Variants in OTUD7B observed in about 807,000 individuals in gnomAD.
OTUD7B encodes OTU deubiquitinase 7B.
OTUD7B carries 34 observed loss-of-function variants against 82.2 expected under a neutral mutation model. The observed-to-expected ratio is 0.41, with a 90% CI of 0.31 to 0.55. The LOEUF is 0.55. Ranked by LOEUF, OTUD7B falls within the 20% of genes least tolerant of loss-of-function variation. OTUD7B has a pLI of 0.20. For synonymous variants in OTUD7B, 398 were observed against 402.7 expected (o/e 0.99, Z 0.14); for missense variants, 944 against 1,062.1 (o/e 0.89, Z 1.55).
rs2092756479 is a variant in OTUD7B at position 149,940,806 on chromosome 1, C to T, written c.*3051G>A. 1 of 152,022 alleles carries T rather than the reference C, an allele frequency of 6.6e-6. No homozygotes were observed. 9.4% of individuals were successfully genotyped at this position (152,022 alleles called of 1,614,324 possible). A position where few individuals can be genotyped will look rare whatever the true frequency, so the allele number is the denominator to read the frequency against. On this transcript the variant is annotated 3_prime_UTR_variant, in exon 12 of 12. Coordinates refer to ENST00000581312, the MANE Select transcript of OTUD7B (RefSeq NM_020205.4). ...CTTGCCTCTTCTATTCCCTCATCTT[C>T]CCAAAATACCACAAACCAAGCTGAA...
chr1:150,021,605 C>T, the OTUD7B span, among the ~76,000 whole-genome samples: 1 of 152,130 alleles, frequency 6.6e-6, no homozygotes, highest in East Asian at 1.9e-4. Flanking sequence ...CCCAGAGCTC[C>T]CTGTATGGGA....
chr1:150,054,525 A>T, the OTUD7B span: 30 of 468,812 alleles, frequency 6.4e-5, no homozygotes, highest in Non-Finnish European at 1.3e-4. Flanking sequence ...AAGAAGCTGC[A>T]GGCAGGGCAT....
At chr1:149,970,227 A>AC (rs1372908909) in intron 3 of OTUD7B, among the ~76,000 whole-genome samples, 2 of 150,874 alleles carry the variant, frequency 1.3e-5, no homozygotes, top group East Asian at 3.9e-4. Flanking sequence ...GAAAAAAAAA[A>AC]AGTTTCAAGA....
the OTUD7B span, chr1:150,054,625 T>A: frequency 2.8e-6 from 1 of 361,712 alleles, no homozygotes; most frequent in South Asian, 2.2e-5. Context: ...ACGGCCAACA[T>A]GGTGAAATCC....
At chr1:150,061,617 A>C in the OTUD7B span, among the ~76,000 whole-genome samples, 1 of 152,190 alleles carries the variant, frequency 6.6e-6, no homozygotes, top group Non-Finnish European at 1.5e-5. Context: ...AGGTAAAAAA[A>C]AGGAGGCTGT....
chr1:150,042,049 AT>A, the OTUD7B span, among the ~76,000 whole-genome samples: 2 of 149,906 alleles, frequency 1.3e-5, no homozygotes, highest in Non-Finnish European at 1.5e-5. Flanking sequence ...TTCTTTATTT[AT>A]TTTTTTGAGA....
chr1:149,951,886 G>A (rs1183942334), intron 7 of OTUD7B, among the ~76,000 whole-genome samples: 2 of 48,404 alleles, frequency 4.1e-5, no homozygotes, highest in Non-Finnish European at 7.5e-5. Flanking sequence ...ATAAACACAT[G>A]GTCAACCTTT....
intron 1 of OTUD7B, among the ~76,000 whole-genome samples, chr1:149,992,854 T>C (rs1211200760): frequency 1.3e-5 from 2 of 152,138 alleles, no homozygotes; most frequent in African/African-American, 4.8e-5. Context: ...TTACTTCTCC[T>C]TAGCCAAAAG....
At chr1:149,948,783 G>A (rs1176061445) in intron 10 of OTUD7B, among the ~76,000 whole-genome samples, 186 bp downstream of exon 10, 1 of 152,126 alleles carries the variant, frequency 6.6e-6, no homozygotes, top group African/African-American at 2.4e-5. Flanking sequence ...CTTTCACAGG[G>A]AGAAAAAGCA....
rs1370294863 is a variant in OTUD7B at position 149,967,320 on chromosome 1, G to C, written c.476C>G (p.Ser159Cys). Residue 159 changes from serine to cysteine, a missense_variant, in exon 4 of 12, where the codon TCC (serine) becomes TGC (cysteine). By Grantham distance (112) the Ser-to-Cys change is moderately radical. Coordinates refer to ENST00000581312, the MANE Select transcript of OTUD7B (RefSeq NM_020205.4). ...TGCCTGTTCCAAGGCAACCAGCATGGACTGCTCAATGAGGTCTCTCTCTAT... is the reference window on the plus strand; with the variant it reads ...TGCCTGTTCCAAGGCAACCAGCATGCACTGCTCAATGAGGTCTCTCTCTAT... ...SFIERDLIEQ[S>C]MLVALEQAGR... 9.3e-6 allele frequency: 15 copies of C among 1,613,782 alleles called. No homozygotes were observed. Among genetic ancestry groups the C allele is most frequent in the Non-Finnish European group, 1.3e-5 (15 of 1,179,874 alleles).
the OTUD7B span, among the ~76,000 whole-genome samples, chr1:150,038,685 C>A: frequency 6.6e-6 from 1 of 152,120 alleles, no homozygotes; most frequent in African/African-American, 2.4e-5. Flanking sequence ...CCTCGCCCAG[C>A]CTAAGTTGTT....
chr1:149,949,086 G>A lies in OTUD7B; in HGVS notation c.1124-3C>T, dbSNP rs1553772763. On this transcript the variant is annotated splice_region_variant and splice_polypyrimidine_tract_variant and intron_variant, in intron 9 of 11. Transcript: ENST00000581312. ...TGAATCTGTAAGTGGGATCACAGCTGGAGAGGAAGAAACATATCATCAAGG... is the reference window on the plus strand; with the variant it reads ...TGAATCTGTAAGTGGGATCACAGCTAGAGAGGAAGAAACATATCATCAAGG... The A allele has an allele frequency of 6.4e-7, 1 of 1,569,474 alleles. No homozygotes were observed. The highest frequency in any genetic ancestry group is 1.7e-5 in the Admixed American group (1 of 59,916).
the OTUD7B span, among the ~76,000 whole-genome samples, chr1:150,065,963 C>A: frequency 6.6e-6 from 1 of 151,578 alleles, no homozygotes; most frequent in Non-Finnish European, 1.5e-5. Context: ...TTTTCCTCGT[C>A]CCTCAAAAAG....
intron 7 of OTUD7B, 30 bp downstream of exon 7, chr1:149,959,653 GT>G: frequency 7.3e-7 from 1 of 1,367,154 alleles, no homozygotes; most frequent in Non-Finnish European, 1.0e-6. Context: ...CTCTATGCAG[GT>G]TTCCTCCTCC....
chr1:149,990,765 G>A (rs1421595936), intron 1 of OTUD7B, among the ~76,000 whole-genome samples: 2 of 152,154 alleles, frequency 1.3e-5, no homozygotes, highest in African/African-American at 4.8e-5. Flanking sequence ...GGAGGCCGAG[G>A]CAGGTGGATC....
At chr1:150,007,212 T>G (rs1652728311) in intron 1 of OTUD7B, among the ~76,000 whole-genome samples, 1 of 152,242 alleles carries the variant, frequency 6.6e-6, no homozygotes, top group Admixed American at 6.5e-5. Context: ...ACAGTAACTA[T>G]TTCATTTACT....
At chr1:150,046,508 G>T in the OTUD7B span, among the ~76,000 whole-genome samples, 15,702 of 146,932 alleles carry the variant, frequency 0.11, 1,183 homozygotes, top group Non-Finnish European at 0.17. Flanking sequence ...AGTACAGTGG[G>T]GCGATCTCGG....
At chr1:149,955,797 C>CTTCT (rs782388436) in intron 7 of OTUD7B, among the ~76,000 whole-genome samples, 259 of 151,816 alleles carry the variant, frequency 1.7e-3, no homozygotes, top group African/African-American at 5.8e-3. Context: ...ATGTAATGGC[C>CTTCT]TTGTCTCTTT....
chr1:149,978,187 G>C (rs1240419065), intron 1 of OTUD7B, among the ~76,000 whole-genome samples: 1 of 152,174 alleles, frequency 6.6e-6, no homozygotes, highest in African/African-American at 2.4e-5. Context: ...TAGCAGAGGA[G>C]TAAACTGATA....
Sources: allele counts gnomAD v4.1 joint callset (sites outside exome capture counted in the v4.1 genomes callset), GRCh38; gene constraint gnomAD v4.1.1; transcripts MANE v1.5; gene names NCBI Gene and HGNC (gene_info 2026-07-23, HGNC 2026-07-21).